Variants in SEMA5B observed in about 807,000 individuals in gnomAD.
The protein encoded by SEMA5B is semaphorin 5B.
Under a neutral mutation model 135.0 loss-of-function variants are expected in SEMA5B, and 66 were observed. The observed-to-expected ratio is 0.49, with a 90% CI of 0.40 to 0.60. SEMA5B has a LOEUF of 0.60. Among genes scored for constraint, SEMA5B ranks in the 20% least tolerant of loss-of-function variants. The probability of loss-of-function intolerance (pLI) is 0.00; values close to 1 mark genes in which losing one functional copy is unlikely to be tolerated. For synonymous variants in SEMA5B, 690 were observed against 639.5 expected (o/e 1.08, Z -1.19); for missense variants, 1,501 against 1,566.3 (o/e 0.96, Z 0.70).
At position 122,996,609 on chromosome 3, in the gene SEMA5B, A is replaced by G. The variant is rs936204338; in HGVS notation, c.-39+30855T>C. Among the ~76,000 whole-genome samples the G allele has an allele frequency of 3.3e-5, 5 of 152,208 alleles. No individual in the cohort carries two copies. The South Asian group carries it at 8.3e-4, about 25-fold the overall frequency. On this transcript the variant is annotated intron_variant, in intron 1 of 22. Coordinates refer to ENST00000357599, the MANE Select transcript of SEMA5B (RefSeq NM_001031702.4). ...GGGCTTTCCAGAATGTTCTTCAGCC[A>G]TATTTTTCTCTTTTTGTCTTTCTAG...
chr3:122,943,459 C>T lies in SEMA5B; in HGVS notation c.405G>A (p.Gly135=). Residue 135 remains glycine, a synonymous_variant, in exon 4 of 23, where the codon GGG becomes GGA. Transcript: ENST00000357599. The part of the protein sequence containing the change: ...DFSQLALDPS[G]NQLIVGARNY... Reference sequence around the variant, plus strand: ...ACCTGGCTCCCACGATGAGCTGGTTCCCGGAGGGGTCCAAAGCCAGCTGGG... The same window carrying T: ...ACCTGGCTCCCACGATGAGCTGGTTTCCGGAGGGGTCCAAAGCCAGCTGGG... 1 of 1,607,992 alleles carries T rather than the reference C, an allele frequency of 6.2e-7. No individual in the cohort carries two copies. Among genetic ancestry groups the T allele is most frequent in the Middle Eastern group, 1.7e-4 (1 of 6,046 alleles).
chr3:122,912,151 C>T (rs747290665), intron 19 of SEMA5B, 21 bp downstream of exon 19: 17 of 1,580,456 alleles, frequency 1.1e-5, no homozygotes, highest in Non-Finnish European at 1.5e-5. Flanking sequence ...CTTCCCAGCC[C>T]TGGCGGGATG....
In SEMA5B at chr3:122,927,853, A is replaced by C. The variant is rs757507980; in HGVS notation, c.787T>G (p.Tyr263Asp). ...GGTGGCCCACTGCCCAGGCTGCGGTAGATGGCAGGGTCCCGACCTGAGAAG... is the reference window on the plus strand; with the variant it reads ...GGTGGCCCACTGCCCAGGCTGCGGTCGATGGCAGGGTCCCGACCTGAGAAG... ...IDFSGRDPAI[Y>D]RSLGSGPPLR... The change falls in exon 8 of 23, where the codon TAC becomes GAC. Residue 263 changes from tyrosine (Y) to aspartate (D), a missense_variant. Coordinates refer to ENST00000357599, the MANE Select transcript of SEMA5B (RefSeq NM_001031702.4). The C allele has an allele frequency of 1.3e-6, 2 of 1,587,598 alleles. No individual in the cohort carries two copies. The highest frequency in any genetic ancestry group is 1.7e-6 in the Non-Finnish European group (2 of 1,166,162).
intron 13 of SEMA5B, 62 bp from the exon 14 acceptor site, chr3:122,915,683 G>C: frequency 6.2e-7 from 1 of 1,602,206 alleles, no homozygotes; most frequent in Non-Finnish European, 8.5e-7. Context: ...GAAGTCATAA[G>C]ATCTCAGGGG....
intron 10 of SEMA5B, 31 bp from the exon 11 acceptor site, chr3:122,922,478 C>G (rs772093033): frequency 5.8e-6 from 9 of 1,552,904 alleles, no homozygotes; most frequent in Non-Finnish European, 7.8e-6. Flanking sequence ...ACGCGCGCCC[C>G]GGCCACCAGG....
At chr3:122,960,752 T>C (rs2107603012) in intron 2 of SEMA5B, among the ~76,000 whole-genome samples, 1 of 152,328 alleles carries the variant, frequency 6.6e-6, no homozygotes, top group Middle Eastern at 3.4e-3. Flanking sequence ...ATTCCATTTA[T>C]ATGAGGTACC....
chr3:122,915,395 A>C (rs780883160), intron 14 of SEMA5B, 45 bp downstream of exon 14: 41 of 1,549,804 alleles, frequency 2.6e-5, no homozygotes, highest in African/African-American at 4.1e-5. Flanking sequence ...AGTTCTCCCC[A>C]CCCTGGTCCA....
chr3:123,009,829 A>G (rs1159500136), intron 1 of SEMA5B, among the ~76,000 whole-genome samples: 1 of 151,438 alleles, frequency 6.6e-6, no homozygotes, highest in Non-Finnish European at 1.5e-5. Context: ...CTCTTTAACA[A>G]TAACTCGACA....
At chr3:123,002,443 T>C (rs1942202168) in intron 1 of SEMA5B, among the ~76,000 whole-genome samples, 1 of 152,258 alleles carries the variant, frequency 6.6e-6, no homozygotes, top group Non-Finnish European at 1.5e-5. Context: ...GTTCATTTTC[T>C]TGCTGCAAAG....
upstream of SEMA5B, among the ~76,000 whole-genome samples, chr3:123,028,137 G>A (rs1942851393): frequency 6.6e-6 from 1 of 152,168 alleles, no homozygotes; most frequent in Non-Finnish European, 1.5e-5. Context: ...GGCCATCGGC[G>A]CGGCCTGCCC....
chr3:123,004,823 C>G (rs1474748838), intron 1 of SEMA5B, among the ~76,000 whole-genome samples: 1 of 152,180 alleles, frequency 6.6e-6, no homozygotes, highest in African/African-American at 2.4e-5. Flanking sequence ...ATTCAGGCTC[C>G]CAGCCCCACC....
Position 122,912,189 on chromosome 3 carries a change from G to A in SEMA5B, c.2879C>T (p.Ala960Val), listed in dbSNP as rs377460510. The change falls in exon 19 of 23, where the codon GCC becomes GTC. Residue 960 changes from alanine to valine, a missense_variant. Ala to Val is a moderately conservative substitution (Grantham distance 64). This residue lies in a region of SEMA5B where 927 missense variants were observed against 881.6 expected (regional missense o/e 1.05). Coordinates refer to ENST00000357599, the MANE Select transcript of SEMA5B (RefSeq NM_001031702.4). ...CCTCATACCTGGGCAGGCCTGTGTG[G>A]CACATAGTGCCTCCTCCGTGTGCAG... is the stretch of plus-strand genomic sequence containing the variant. ...LGLHTEEALC[A>V]TQACPEGWSP... 4.4e-6 allele frequency: 7 copies of A among 1,594,868 alleles called. No individual in the cohort carries two copies. The African/African-American group carries it at 5.4e-5, about 12-fold the overall frequency.
chr3:122,951,299 T>C (rs1339255320), intron 2 of SEMA5B, among the ~76,000 whole-genome samples: 1 of 152,238 alleles, frequency 6.6e-6, no homozygotes, highest in African/African-American at 2.4e-5. Flanking sequence ...TTAGCATTGA[T>C]ATACACTAGA....
In SEMA5B at chr3:122,913,260, G is replaced by T; in HGVS notation, c.2445C>A (p.Gly815=). The change falls in exon 17 of 23, where the codon GGC becomes GGA. Residue 815 remains glycine, a synonymous_variant. Transcript: ENST00000357599. ...PLADPHGLQF[G]RRRTETRTCP... is the part of the protein sequence containing the mutation. ...AGGTCCTCGTCTCGGTCCTTCTCCT[G>T]CCGAACTGCAGGCCGTGCGGGTCTG... 1 of 1,585,670 alleles carries T rather than the reference G, an allele frequency of 6.3e-7. No homozygotes were observed. Among genetic ancestry groups the T allele is most frequent in the East Asian group, 2.3e-5 (1 of 44,146 alleles).
chr3:122,965,430 A>G (rs1940777607), intron 1 of SEMA5B, among the ~76,000 whole-genome samples: 1 of 152,230 alleles, frequency 6.6e-6, no homozygotes, highest in Admixed American at 6.5e-5. Flanking sequence ...TCTTCCTTAC[A>G]AGAGATAGAC....
At chr3:123,005,305 G>A (rs1183299862) in intron 1 of SEMA5B, among the ~76,000 whole-genome samples, 1 of 152,086 alleles carries the variant, frequency 6.6e-6, no homozygotes, top group Non-Finnish European at 1.5e-5. Flanking sequence ...AGCTCCTTTT[G>A]TAATTGACTC....
At chr3:122,933,760 AG>A in intron 5 of SEMA5B, among the ~76,000 whole-genome samples, 1 of 152,044 alleles carries the variant, frequency 6.6e-6, no homozygotes, top group Non-Finnish European at 1.5e-5. Flanking sequence ...TTGTTCTGGT[AG>A]GTTTTTCTTC....
At chr3:122,992,027 G>C (rs1576396123) in intron 1 of SEMA5B, among the ~76,000 whole-genome samples, 1 of 152,054 alleles carries the variant, frequency 6.6e-6, no homozygotes, top group South Asian at 2.1e-4. Flanking sequence ...GGCAGCCCAA[G>C]CTGAAAACAA....
In SEMA5B at chr3:122,922,107, A is replaced by G. The variant is rs1455622416; in HGVS notation, c.1496T>C (p.Leu499Pro). The G allele has an allele frequency of 1.3e-6, 2 of 1,504,186 alleles. No homozygotes were observed. Among genetic ancestry groups the G allele is most frequent in the Non-Finnish European group, 1.8e-6 (2 of 1,122,480 alleles). 93.2% of individuals were successfully genotyped at this position (1,504,186 alleles called of 1,614,324 possible). ...LYIGTESGTI[L>P]KALSTASRSL... ...GCGGCTCGCCGTGGACAGCGCCTTC[A>G]GGATGGTGCCCGACTCTGGAGGAGA... Residue 499 changes from leucine (L) to proline (P), a missense_variant, in exon 12 of 23, where the codon CTG (leucine) becomes CCG (proline). Leu to Pro is a moderately conservative substitution (Grantham distance 98). Transcript: ENST00000357599.
Sources: allele counts gnomAD v4.1 joint callset (sites outside exome capture counted in the v4.1 genomes callset), GRCh38; gene constraint gnomAD v4.1.1; regional missense constraint gnomAD v4.1.1; transcripts MANE v1.5; gene names NCBI Gene and HGNC (gene_info 2026-07-23, HGNC 2026-07-21).